MAP4: variants seen among roughly 807,000 people sequenced by gnomAD.
MAP4 encodes microtubule-associated protein 4.
A neutral mutation model predicts 170.2 loss-of-function variants in MAP4; 76 were observed. That is an observed-to-expected ratio of 0.45 (90% confidence interval 0.37 to 0.54). The LOEUF (loss-of-function observed/expected upper bound fraction) is 0.54, where lower values mean the gene tolerates loss of function less well. Ranked by LOEUF, MAP4 falls within the 20% of genes least tolerant of loss-of-function variation. MAP4 has a pLI of 0.00. For synonymous variants in MAP4, 909 were observed against 994.5 expected, an observed-to-expected ratio of 0.91 and a Z score of 1.62; for missense variants, 2,506 against 2,748.0, an observed-to-expected ratio of 0.91 and a Z score of 1.97.
chr3:48,058,913 G>C (rs1191309885), intron 1 of MAP4, among the ~76,000 whole-genome samples: 1 of 152,080 alleles, frequency 6.6e-6, no homozygotes, highest in Non-Finnish European at 1.5e-5. Context: ...CCGAGTAGCT[G>C]AGATTACAGG....
chr3:47,946,629 G>A (rs1448506805), intron 3 of MAP4, among the ~76,000 whole-genome samples: 1 of 145,086 alleles, frequency 6.9e-6, no homozygotes, highest in Non-Finnish European at 1.5e-5. Context: ...ACTCCTGTCT[G>A]GGTGACAAAG....
Position 47,872,075 on chromosome 3 carries a change from T to A in MAP4, c.5783A>T (p.Glu1928Val), listed in dbSNP as rs752198799. ...TGGCTTGGATGGTGAGGCCCGCTTC[T>A]CAGGAGCCTTTGCATCTGCAATGGG... ...PKPIADAKAP[E>V]KRASPSKPAS... The change falls in exon 13 of 21, where the codon GAG (glutamate) becomes GTG (valine). Residue 1928 changes from glutamate to valine, a missense_variant. Glu to Val is a moderately radical substitution (Grantham distance 121, BLOSUM62 -2). Around this residue, in one of 3 missense-constraint regions of MAP4, gnomAD observed 487 missense variants for 511.6 expected, o/e 0.95. Coordinates refer to ENST00000683076, the MANE Select transcript of MAP4 (RefSeq NM_001385682.1). The A allele has an allele frequency of 6.2e-7, 1 of 1,612,798 alleles. No individual in the cohort carries two copies. The highest frequency in any genetic ancestry group is 8.5e-7 in the Non-Finnish European group (1 of 1,179,384).
intron 3 of MAP4, among the ~76,000 whole-genome samples, chr3:47,957,262 G>A (rs1464267566): frequency 2.0e-5 from 3 of 152,112 alleles, no homozygotes; most frequent in Non-Finnish European, 4.4e-5. Context: ...CTGCCTTCTG[G>A]GTTCAAGTGA....
intron 7 of MAP4, among the ~76,000 whole-genome samples, chr3:47,915,619 A>C (rs1035463802): frequency 6.6e-6 from 1 of 152,196 alleles, no homozygotes; most frequent in Non-Finnish European, 1.5e-5. Flanking sequence ...CAGTTTACTT[A>C]TAAAAACGGG....
intron 3 of MAP4, among the ~76,000 whole-genome samples, chr3:47,949,889 CA>C (rs34159974): frequency 0.38 from 58,399 of 152,006 alleles, 12,569 homozygotes; most frequent in African/African-American, 0.59. Flanking sequence ...AGGGATACCA[CA>C]ATGAGTGGCT....
intron 2 of MAP4, among the ~76,000 whole-genome samples, chr3:47,980,322 A>G (rs778846043): frequency 1.3e-5 from 2 of 152,208 alleles, no homozygotes; most frequent in South Asian, 2.1e-4. Context: ...ACATTTTAGC[A>G]ACCAGCCTAG....
intron 10 of MAP4, chr3:47,891,163 A>C: frequency 1.3e-6 from 2 of 1,536,182 alleles, no homozygotes; most frequent in South Asian, 1.2e-5. Context: ...AATCAATTCT[A>C]GTTTCACTAA....
Position 47,910,702 on chromosome 3 carries a change from T to G in MAP4, c.3719A>C (p.Asn1240Thr). ...ARMERKEEIL[N>T]PPFEGKDGDT... ...TCCATCCTTCCCTTCAAAAGGTGGG[T>G]TAAGGATTTCTTCCTTCCTCTCCAT... Residue 1240 changes from asparagine to threonine, a missense_variant, in exon 9 of 21, where the codon AAC becomes ACC. By Grantham distance (65) the Asn-to-Thr change is moderately conservative. Transcript: ENST00000683076. 1 of 1,536,108 alleles carries G rather than the reference T, an allele frequency of 6.5e-7. No homozygotes were observed. The highest frequency in any genetic ancestry group is 8.7e-7 in the Non-Finnish European group (1 of 1,146,886).
chr3:47,917,580 C>G (rs1163779339), intron 6 of MAP4, among the ~76,000 whole-genome samples: 2 of 125,492 alleles, frequency 1.6e-5, no homozygotes, highest in African/African-American at 6.9e-5. Flanking sequence ...GGCAAGAGTC[C>G]GTCTCAAAAA....
At chr3:48,036,522 C>T (rs769580294) in intron 1 of MAP4, among the ~76,000 whole-genome samples, 6 of 152,304 alleles carry the variant, frequency 3.9e-5, no homozygotes, top group South Asian at 2.1e-4. Flanking sequence ...CTTCTGTCTT[C>T]GTAGGTCCAA....
chr3:47,963,533 T>C (rs1360135207), intron 3 of MAP4, among the ~76,000 whole-genome samples: 1 of 152,228 alleles, frequency 6.6e-6, no homozygotes, highest in Non-Finnish European at 1.5e-5. Context: ...ATAACATATT[T>C]CCAGAAAGAT....
At chr3:47,985,213 G>A (rs907757082) in intron 2 of MAP4, among the ~76,000 whole-genome samples, 2 of 152,102 alleles carry the variant, frequency 1.3e-5, no homozygotes, top group African/African-American at 4.8e-5. Flanking sequence ...CTGGGAGGCG[G>A]AGGTTGCAGT....
At chr3:47,924,186 C>T (rs1446573655) in intron 4 of MAP4, among the ~76,000 whole-genome samples, 1 of 151,958 alleles carries the variant, frequency 6.6e-6, no homozygotes, top group African/African-American at 2.4e-5. Flanking sequence ...ATATATGTTC[C>T]CACAGGATAT....
At chr3:48,024,860 T>C (rs1341192865) in intron 1 of MAP4, among the ~76,000 whole-genome samples, 2 of 152,170 alleles carry the variant, frequency 1.3e-5, no homozygotes, top group Non-Finnish European at 2.9e-5. Context: ...TCAGGGACTT[T>C]TACAAAGTAA....
intron 1 of MAP4, among the ~76,000 whole-genome samples, chr3:48,036,153 ATT>A (rs572851167): frequency 5.8e-4 from 89 of 152,316 alleles, no homozygotes; most frequent in Non-Finnish European, 6.6e-4. Flanking sequence ...ACTACCAAAT[ATT>A]GTCTCTCACA....
chr3:47,854,590 A>G (rs2051160539), intron 19 of MAP4, among the ~76,000 whole-genome samples: 1 of 152,254 alleles, frequency 6.6e-6, no homozygotes, highest in Non-Finnish European at 1.5e-5. Flanking sequence ...TAGGACAGAC[A>G]GCATCTTGGC....
chr3:47,900,199 A>C (rs2100029258), intron 10 of MAP4, among the ~76,000 whole-genome samples: 1 of 152,238 alleles, frequency 6.6e-6, no homozygotes, highest in South Asian at 2.1e-4. Context: ...AAAGTTGTCA[A>C]GTTATAATCT....
At chr3:48,041,721 T>C (rs187488676) in intron 1 of MAP4, among the ~76,000 whole-genome samples, 2 of 152,188 alleles carry the variant, frequency 1.3e-5, no homozygotes, top group Admixed American at 1.3e-4. Context: ...AAAAAATACA[T>C]GAAAATCACA....
At chr3:48,023,158 G>GA (rs968729727) in intron 1 of MAP4, among the ~76,000 whole-genome samples, 4 of 152,058 alleles carry the variant, frequency 2.6e-5, no homozygotes, top group Non-Finnish European at 5.9e-5. Flanking sequence ...AATGGTATAT[G>GA]AAAAAAGGTG....
Sources: gnomAD v4.1 joint callset for allele counts (sites outside exome capture counted in the v4.1 genomes callset) on GRCh38, gnomAD v4.1.1 for gene constraint, gnomAD v4.1.1 regional missense constraint, MANE v1.5 for transcripts, NCBI Gene and HGNC (gene_info 2026-07-23, HGNC 2026-07-21) for gene names.